Variants in USP25 observed in about 807,000 individuals in gnomAD.
The protein encoded by USP25 is ubiquitin specific peptidase 25, also known as ubiquitin carboxyl-terminal hydrolase 25.
In USP25, 85 loss-of-function variants were observed where a neutral mutation model predicts 158.5. That is an observed-to-expected ratio of 0.54 (90% CI 0.45 to 0.64). USP25 has a LOEUF of 0.64. Ranked by LOEUF, USP25 falls within the 30% of genes least tolerant of loss-of-function variation. USP25 has a pLI of 0.00. For missense variants in USP25, 1,242 were observed against 1,327.3 expected (o/e 0.94, Z 1.00); for synonymous variants, 464 against 460.4 (o/e 1.01, Z -0.10).
At chr21:15,780,465 T>C (rs2034901543) in intron 4 of USP25, among the ~76,000 whole-genome samples, 1 of 152,224 alleles carries the variant, frequency 6.6e-6, no homozygotes, top group African/African-American at 2.4e-5. Context: ...GTGACTGGTT[T>C]GTGTCTATGG....
chr21:15,768,154 G>T (rs898108973), intron 3 of USP25, among the ~76,000 whole-genome samples: 1 of 152,048 alleles, frequency 6.6e-6, no homozygotes, highest in Admixed American at 6.6e-5. Context: ...CATCTCAACC[G>T]ATTGTCATAT....
chr21:15,845,683 C>T (rs1260330417), intron 18 of USP25, among the ~76,000 whole-genome samples: 2 of 152,004 alleles, frequency 1.3e-5, no homozygotes, highest in African/African-American at 2.4e-5. Flanking sequence ...ATTTTCTTTT[C>T]CTAAGATAGA....
At chr21:15,799,236 T>C (rs976874224) in intron 5 of USP25, among the ~76,000 whole-genome samples, 3 of 151,322 alleles carry the variant, frequency 2.0e-5, no homozygotes, top group African/African-American at 4.8e-5. Context: ...GTGTAATTAT[T>C]ATCACTGCAT....
chr21:15,756,975 G>T (rs1376794796), intron 1 of USP25, among the ~76,000 whole-genome samples: 1 of 152,180 alleles, frequency 6.6e-6, no homozygotes, highest in African/African-American at 2.4e-5. Context: ...TGGAATTGCT[G>T]GTCAGGGAGA....
Position 15,833,511 on chromosome 21 carries a change from T to G in USP25, c.2157T>G (p.Ser719=), listed in dbSNP as rs912212669. 5 of 1,613,918 alleles carry G rather than the reference T, an allele frequency of 3.1e-6. No homozygotes were observed. The African/African-American group carries it at 6.7e-5, about 22-fold the overall frequency. Residue 719 remains serine, a synonymous_variant, in exon 17 of 26, where the codon TCT becomes TCG. Coordinates refer to ENST00000400183, the MANE Select transcript of USP25 (RefSeq NM_001283041.3). ...CTTTGCAGGAAAAGCTTTTAGCGTC[T>G]CAGAAATTGAGAGAGTCAGAGACTT... ...QKALQEKLLA[S]QKLRESETSV... is the part of the protein sequence containing the mutation.
intron 1 of USP25, among the ~76,000 whole-genome samples, chr21:15,747,819 C>T (rs754389333): frequency 1.3e-5 from 2 of 152,088 alleles, no homozygotes; most frequent in South Asian, 4.1e-4. Flanking sequence ...TTTTGGACTA[C>T]GCTTGATCAT....
chr21:15,859,993 T>TA (rs2039352792), intron 20 of USP25, among the ~76,000 whole-genome samples: 3 of 94,764 alleles, frequency 3.2e-5, no homozygotes, highest in African/African-American at 2.0e-4. Context: ...ATATCTATAT[T>TA]TTTTTTTTTT....
At chr21:15,730,741 A>G (rs1367370130) in intron 1 of USP25, among the ~76,000 whole-genome samples, 3 of 152,194 alleles carry the variant, frequency 2.0e-5, no homozygotes, top group Admixed American at 2.0e-4. Flanking sequence ...CATCTTAATG[A>G]AACTTTATTC....
chr21:15,828,949 A>G (rs1038854662), intron 14 of USP25, among the ~76,000 whole-genome samples: 2 of 152,068 alleles, frequency 1.3e-5, no homozygotes, highest in African/African-American at 4.8e-5. Context: ...TAAGATTTTT[A>G]TATGTAATAC....
At chr21:15,754,090 A>G (rs1208746192) in intron 1 of USP25, among the ~76,000 whole-genome samples, 1 of 152,162 alleles carries the variant, frequency 6.6e-6, no homozygotes, top group East Asian at 1.9e-4. Flanking sequence ...TTTTTTCACA[A>G]AAGGACAGTT....
chr21:15,874,269 G>A (rs900094716), intron 23 of USP25, 134 bp from the exon 24 acceptor site: 41 of 769,702 alleles, frequency 5.3e-5, no homozygotes, highest in African/African-American at 5.0e-4. Context: ...CATACACTGC[G>A]TCAGATGATA....
At chr21:15,869,479 A>G (rs945132053) in intron 22 of USP25, among the ~76,000 whole-genome samples, 7 of 152,114 alleles carry the variant, frequency 4.6e-5, no homozygotes, top group Non-Finnish European at 7.4e-5. Context: ...GTCCTATTAC[A>G]TGCCCTATAG....
At chr21:15,807,257 C>T (rs1345632783) in intron 7 of USP25, among the ~76,000 whole-genome samples, 8 of 152,030 alleles carry the variant, frequency 5.3e-5, no homozygotes, top group Non-Finnish European at 7.4e-5. Context: ...TTAATCATAC[C>T]TTTAATTGTT....
rs1465119448 is a variant in USP25 at position 15,879,875 on chromosome 21, T to A, written c.*1400T>A. On this transcript the variant is annotated 3_prime_UTR_variant, in exon 26 of 26. Transcript: ENST00000400183. ...GGTGTTAATGACAAGGAATTAGTAC[T>A]ATTCCTGTTGTAAAGTTAGATTTTG... 2.0e-5 allele frequency: 3 copies of A among 152,436 alleles called. No homozygotes were observed. The highest frequency in any genetic ancestry group is 4.8e-5 in the African/African-American group (2 of 41,472). 9.4% of individuals were successfully genotyped at this position (152,436 alleles called of 1,614,324 possible). A position where few individuals can be genotyped will look rare whatever the true frequency, so the allele number is the denominator to read the frequency against.
intron 22 of USP25, among the ~76,000 whole-genome samples, chr21:15,869,820 A>G (rs930666972): frequency 2.6e-5 from 4 of 152,178 alleles, no homozygotes; most frequent in Non-Finnish European, 4.4e-5. Context: ...GTTATCTGCT[A>G]GTAAAATCTT....
At chr21:15,808,769 T>C (rs745440065) in intron 7 of USP25, 40 bp from the exon 8 acceptor site, 2 of 1,496,510 alleles carry the variant, frequency 1.3e-6, no homozygotes, top group Non-Finnish European at 1.8e-6. Flanking sequence ...ATTTTTTTTT[T>C]AGTAGGCTCA....
At position 15,870,132 on chromosome 21, in the gene USP25, A is replaced by C. The variant is rs1478958940; in HGVS notation, c.2870A>C (p.Asn957Thr). The C allele has an allele frequency of 3.1e-6, 5 of 1,608,450 alleles. No homozygotes were observed. The highest frequency in any genetic ancestry group is 3.4e-6 in the Non-Finnish European group (4 of 1,177,532). ...ATGTATCTCATAATTGGGCTAGAAA[A>C]TTTTCAAAGAGAAAGGTAAGGCAAA... Reference protein sequence around the residue: ...TTMYLIIGLENFQRESYIDSL... With the variant: ...TTMYLIIGLETFQRESYIDSL... The change falls in exon 23 of 26, where the codon AAT becomes ACT. Residue 957 changes from asparagine (N) to threonine (T), a missense_variant. Coordinates refer to ENST00000400183, the MANE Select transcript of USP25 (RefSeq NM_001283041.3).
At chr21:15,813,300 C>A (rs1210990475) in intron 9 of USP25, among the ~76,000 whole-genome samples, 1 of 152,200 alleles carries the variant, frequency 6.6e-6, no homozygotes, top group Non-Finnish European at 1.5e-5. Context: ...CTGAGAAAAT[C>A]TTTACCTCAG....
chr21:15,872,160 T>C (rs1290015657), intron 23 of USP25, among the ~76,000 whole-genome samples: 2 of 151,916 alleles, frequency 1.3e-5, no homozygotes, highest in Non-Finnish European at 2.9e-5. Context: ...AATGAAATAC[T>C]GATGGACCCT....
Sources: gnomAD v4.1 joint callset for allele counts (sites outside exome capture counted in the v4.1 genomes callset) on GRCh38, gnomAD v4.1.1 for gene constraint, MANE v1.5 for transcripts, NCBI Gene and HGNC (gene_info 2026-07-23, HGNC 2026-07-21) for gene names.